The following XKR4 variants were observed in gnomAD, a reference collection of about 807,000 sequenced individuals.
XKR4 encodes the protein XK-related protein 4.
Under a neutral mutation model 53.9 loss-of-function variants are expected in XKR4, and 12 were observed. The observed-to-expected ratio is 0.22, with a 90% CI of 0.14 to 0.36. The LOEUF is 0.36. Ranked by LOEUF, XKR4 falls within the 10% of genes least tolerant of loss-of-function variation. The pLI is 1.00. For synonymous variants in XKR4, 354 were observed against 362.4 expected (o/e 0.98, Z 0.26); for missense variants, 799 against 859.5 (o/e 0.93, Z 0.88).
At chr8:55,318,824 A>ACT (rs2129379159) in intron 1 of XKR4, among the ~76,000 whole-genome samples, 1 of 152,346 alleles carries the variant, frequency 6.6e-6, no homozygotes, top group South Asian at 2.1e-4. Context: ...CCAACTTTGC[A>ACT]GGAAAAGAGT....
At chr8:55,434,410 CGTGTGTGTGT>C (rs10598891) in intron 2 of XKR4, among the ~76,000 whole-genome samples, 14 of 148,250 alleles carry the variant, frequency 9.4e-5, no homozygotes, top group East Asian at 4.0e-4. Flanking sequence ...TGATACCAAT[CGTGTGTGTGT>C]GTGTGTGTGT....
intron 1 of XKR4, among the ~76,000 whole-genome samples, chr8:55,247,337 G>T (rs1818298345): frequency 6.6e-6 from 1 of 152,088 alleles, no homozygotes; most frequent in Non-Finnish European, 1.5e-5. Flanking sequence ...CCTCAGCTTT[G>T]CTATAGGACT....
At chr8:55,463,375 A>G (rs1012246125) in intron 2 of XKR4, among the ~76,000 whole-genome samples, 1 of 151,764 alleles carries the variant, frequency 6.6e-6, no homozygotes, top group African/African-American at 2.4e-5. Context: ...CTGAATGACT[A>G]CGGGGTACAT....
At chr8:55,456,777 A>G (rs905948028) in intron 2 of XKR4, among the ~76,000 whole-genome samples, 1 of 152,210 alleles carries the variant, frequency 6.6e-6, no homozygotes, top group Non-Finnish European at 1.5e-5. Context: ...CATCAAAGGC[A>G]TGTAGGGCAA....
chr8:55,195,556 AT>A (rs1391477779), intron 1 of XKR4, among the ~76,000 whole-genome samples: 48 of 152,150 alleles, frequency 3.2e-4, no homozygotes, highest in South Asian at 2.1e-3. Context: ...GTTATAAAAA[AT>A]ATCTAGTTTT....
At chr8:55,446,858 G>A (rs1008406448) in intron 2 of XKR4, among the ~76,000 whole-genome samples, 2 of 152,180 alleles carry the variant, frequency 1.3e-5, no homozygotes, top group Non-Finnish European at 2.9e-5. Flanking sequence ...TTTGCAGAGT[G>A]GAAGATAGTC....
rs552946670 is a variant in XKR4 at position 55,449,633 on chromosome 8, C to T, written c.1007-73648C>T. On this transcript the variant is annotated intron_variant, in intron 2 of 2. Transcript: ENST00000327381. Reference sequence around the variant, plus strand: ...GTCAAAGAAGGCCTTCTCATCCACGCTCTTAGGGGCACCCATGGTGGCCAT... The same window carrying T: ...GTCAAAGAAGGCCTTCTCATCCACGTTCTTAGGGGCACCCATGGTGGCCAT... 76 of 1,005,920 alleles carry T rather than the reference C, an allele frequency of 7.6e-5. No homozygotes were observed. In the South Asian group the frequency reaches 8.9e-4, roughly 12 times the overall value. The allele number at this position is 1,005,920 out of a possible 1,614,324, so 62.3% of individuals were successfully genotyped here. A position where few individuals can be genotyped will look rare whatever the true frequency, so the allele number is the denominator to read the frequency against.
intron 1 of XKR4, among the ~76,000 whole-genome samples, chr8:55,160,911 G>C (rs1816975363): frequency 6.6e-6 from 1 of 152,112 alleles, no homozygotes; most frequent in South Asian, 2.1e-4. Context: ...ACACAAAAAA[G>C]TTTGAAGGCA....
chr8:55,258,275 T>A (rs1389202101), intron 1 of XKR4, among the ~76,000 whole-genome samples: 1 of 152,158 alleles, frequency 6.6e-6, no homozygotes, highest in Non-Finnish European at 1.5e-5. Flanking sequence ...TTTGGGTGCA[T>A]CCTCACGTGT....
intron 1 of XKR4, among the ~76,000 whole-genome samples, chr8:55,191,153 T>C (rs1213798822): frequency 6.6e-6 from 1 of 152,136 alleles, no homozygotes; most frequent in African/African-American, 2.4e-5. Flanking sequence ...TTCTCCAAGC[T>C]ATTCATGAGT....
chr8:55,197,100 A>G (rs1191081325), intron 1 of XKR4, among the ~76,000 whole-genome samples: 1 of 152,190 alleles, frequency 6.6e-6, no homozygotes, highest in Non-Finnish European at 1.5e-5. Flanking sequence ...GGGAGAATTG[A>G]GGACCTGATG....
intron 1 of XKR4, among the ~76,000 whole-genome samples, chr8:55,297,258 T>A (rs1297004543): frequency 6.6e-6 from 1 of 152,274 alleles, no homozygotes; most frequent in East Asian, 1.9e-4. Flanking sequence ...ACGTGAGATT[T>A]GATGAATGAG....
chr8:55,404,858 G>C (rs765808678), intron 2 of XKR4, among the ~76,000 whole-genome samples: 1 of 152,278 alleles, frequency 6.6e-6, no homozygotes, highest in East Asian at 1.9e-4. Flanking sequence ...GGTACAAAGT[G>C]TGTTTGGATT....
chr8:55,235,790 G>A (rs983265768), intron 1 of XKR4, among the ~76,000 whole-genome samples: 1 of 152,158 alleles, frequency 6.6e-6, no homozygotes, highest in African/African-American at 2.4e-5. Context: ...GGTGATAGAG[G>A]ACAGAGAATC....
chr8:55,198,928 A>G (rs1359704322), intron 1 of XKR4, among the ~76,000 whole-genome samples: 1 of 152,168 alleles, frequency 6.6e-6, no homozygotes, highest in Non-Finnish European at 1.5e-5. Context: ...CTGACAATCT[A>G]AGTTTGAACC....
intron 1 of XKR4, among the ~76,000 whole-genome samples, chr8:55,292,603 G>T (rs1381519829): frequency 6.6e-6 from 1 of 151,958 alleles, no homozygotes; most frequent in Non-Finnish European, 1.5e-5. Flanking sequence ...CAAGCAATTG[G>T]TTGCTCTATT....
chr8:55,470,176 G>A (rs1200693100), intron 2 of XKR4, among the ~76,000 whole-genome samples: 2 of 152,134 alleles, frequency 1.3e-5, no homozygotes, highest in Non-Finnish European at 2.9e-5. Context: ...CATTATTACC[G>A]AAGGCACAGA....
rs1344124645 is a variant in XKR4 at position 55,443,397 on chromosome 8, T to C, written c.1007-79884T>C. ...TAAAATTCAACAACCATGAGTGATT[T>C]TTTTTTTTAATTCCACAGCAAAGGT... On this transcript the variant is annotated intron_variant, in intron 2 of 2. Coordinates refer to ENST00000327381, the MANE Select transcript of XKR4 (RefSeq NM_052898.2). Among the ~76,000 whole-genome samples the C allele has an allele frequency of 2.0e-5, 3 of 151,488 alleles. No homozygotes were observed. The East Asian group carries it at 5.8e-4, about 29-fold the overall frequency.
intron 1 of XKR4, among the ~76,000 whole-genome samples, chr8:55,163,543 T>C (rs2129357436): frequency 6.6e-6 from 1 of 152,312 alleles, no homozygotes; most frequent in Non-Finnish European, 1.5e-5. Context: ...TTTGCATTAT[T>C]TTAAATAATT....
Sources: gnomAD v4.1 joint callset for allele counts (sites outside exome capture counted in the v4.1 genomes callset) on GRCh38, gnomAD v4.1.1 for gene constraint, MANE v1.5 for transcripts, NCBI Gene and HGNC (gene_info 2026-07-23, HGNC 2026-07-21) for gene names.